The following CELF4 variants were observed in gnomAD, a reference collection of about 807,000 sequenced individuals.
The protein encoded by CELF4 is CUGBP Elav-like family member 4.
Under a neutral mutation model 59.9 loss-of-function variants are expected in CELF4, and 18 were observed. That is an observed-to-expected ratio of 0.30 (90% CI 0.21 to 0.45). The LOEUF is 0.45. CELF4 is among the 20% of genes least tolerant of loss of function. The probability of loss-of-function intolerance (pLI) is 1.00; values close to 1 mark genes in which losing one functional copy is unlikely to be tolerated. For synonymous variants in CELF4, 261 were observed against 267.1 expected, an observed-to-expected ratio of 0.98 and a Z score of 0.22; for missense variants, 456 against 689.0, an observed-to-expected ratio of 0.66 and a Z score of 3.79.
At chr18:37,295,850 G>C (rs139928085) in intron 3 of CELF4, among the ~76,000 whole-genome samples, 299 of 152,324 alleles carry the variant, frequency 2.0e-3, no homozygotes, top group African/African-American at 6.8e-3. Context: ...TGCACTGGGG[G>C]TCAGGGCCTG....
chr18:37,536,712 G>A (rs964693625), intron 1 of CELF4, among the ~76,000 whole-genome samples: 2 of 152,042 alleles, frequency 1.3e-5, no homozygotes, highest in Non-Finnish European at 2.9e-5. Flanking sequence ...GCAAGTCCCC[G>A]CACATCTTGC....
At chr18:37,322,159 C>A (rs1277488912) in intron 2 of CELF4, among the ~76,000 whole-genome samples, 4 of 152,216 alleles carry the variant, frequency 2.6e-5, no homozygotes, top group African/African-American at 4.8e-5. Flanking sequence ...CTCCTACTAG[C>A]CTTTGATATC....
In CELF4 at chr18:37,503,999, G is replaced by A. The variant is rs188221276; in HGVS notation, c.287-18392C>T. On this transcript the variant is annotated intron_variant, in intron 1 of 12. Transcript: ENST00000420428. Reference sequence around the variant, plus strand: ...TGGCTTCCAGAGAGCCCCTCCTGGGGCCAGGAGAGGATGGGAGTTCCTGGA... The same window carrying A: ...TGGCTTCCAGAGAGCCCCTCCTGGGACCAGGAGAGGATGGGAGTTCCTGGA... Among the ~76,000 whole-genome samples, 556 of 152,284 alleles carry A rather than the reference G, an allele frequency of 3.7e-3. 6 individuals are homozygous for A. The highest frequency in any genetic ancestry group is 0.012 in the African/African-American group (510 of 41,556).
chr18:37,457,656 G>A (rs1357596423), intron 2 of CELF4, among the ~76,000 whole-genome samples: 2 of 152,078 alleles, frequency 1.3e-5, no homozygotes, highest in Non-Finnish European at 2.9e-5. Context: ...CTTACATCCC[G>A]CAGCCCGAAG....
At chr18:37,312,872 G>T (rs1263412431) in intron 3 of CELF4, among the ~76,000 whole-genome samples, 1 of 152,196 alleles carries the variant, frequency 6.6e-6, no homozygotes, top group Non-Finnish European at 1.5e-5. Flanking sequence ...GGACATGGCT[G>T]TGGAAGGGCT....
chr18:37,381,245 C>A (rs2099037455), intron 2 of CELF4, among the ~76,000 whole-genome samples: 1 of 152,226 alleles, frequency 6.6e-6, no homozygotes, highest in African/African-American at 2.4e-5. Context: ...TAGTCGTAGA[C>A]TGCAGGAGGC....
intron 2 of CELF4, among the ~76,000 whole-genome samples, chr18:37,481,529 C>A (rs775787839): frequency 7.9e-5 from 12 of 152,192 alleles, no homozygotes; most frequent in Non-Finnish European, 1.6e-4. Context: ...GGAGCTGCGA[C>A]AAAGCTTCAG....
At chr18:37,486,956 C>G (rs540751488) in intron 1 of CELF4, among the ~76,000 whole-genome samples, 1 of 152,356 alleles carries the variant, frequency 6.6e-6, no homozygotes, top group East Asian at 1.9e-4. Flanking sequence ...TAGTCCATCC[C>G]CAGCCAGTCT....
chr18:37,402,831 C>A (rs1178612399), intron 2 of CELF4, among the ~76,000 whole-genome samples: 1 of 152,208 alleles, frequency 6.6e-6, no homozygotes, highest in East Asian at 1.9e-4. Flanking sequence ...CACAGCCTAA[C>A]AAGTTCAAGG....
At chr18:37,342,233 G>GCACACACACACACACACA (rs56845978) in intron 2 of CELF4, among the ~76,000 whole-genome samples, 1 of 146,048 alleles carries the variant, frequency 6.8e-6, no homozygotes, top group African/African-American at 2.5e-5. Flanking sequence ...AACAGCACAT[G>GCACACACACACACACACA]CACACACACA....
intron 1 of CELF4, among the ~76,000 whole-genome samples, chr18:37,520,957 C>T (rs2099956643): frequency 6.6e-6 from 1 of 152,112 alleles, no homozygotes; most frequent in Admixed American, 6.5e-5. Context: ...CTTCACATTG[C>T]CATGACCCTC....
At chr18:37,281,916 G>C (rs2154383688) in intron 3 of CELF4, among the ~76,000 whole-genome samples, 1 of 152,288 alleles carries the variant, frequency 6.6e-6, no homozygotes, top group African/African-American at 2.4e-5. Flanking sequence ...GTGGATCAGG[G>C]AGGACCTTCA....
chr18:37,303,601 A>G (rs1362726997), intron 3 of CELF4, among the ~76,000 whole-genome samples: 1 of 152,072 alleles, frequency 6.6e-6, no homozygotes, highest in Non-Finnish European at 1.5e-5. Context: ...GTGGGGAGAA[A>G]AAAAGGGAGG....
At chr18:37,504,123 T>C (rs2099934836) in intron 1 of CELF4, among the ~76,000 whole-genome samples, 1 of 152,176 alleles carries the variant, frequency 6.6e-6, no homozygotes. Context: ...TGTGGCCTTA[T>C]GTATAGGGAG....
At chr18:37,517,811 G>A (rs1335609483) in intron 1 of CELF4, among the ~76,000 whole-genome samples, 1 of 152,170 alleles carries the variant, frequency 6.6e-6, no homozygotes, top group Non-Finnish European at 1.5e-5. Context: ...ACCTCCGAGG[G>A]TCAAGGAAGG....
intron 1 of CELF4, among the ~76,000 whole-genome samples, chr18:37,504,944 G>C (rs1456236584): frequency 6.6e-6 from 1 of 152,240 alleles, no homozygotes; most frequent in Non-Finnish European, 1.5e-5. Flanking sequence ...AGTGAGGATG[G>C]TGACCACCAG....
chr18:37,321,722 G>A (rs1046673396), intron 3 of CELF4, 81 bp downstream of exon 3: 20 of 1,022,008 alleles, frequency 2.0e-5, no homozygotes, highest in Non-Finnish European at 2.7e-5. Flanking sequence ...GCGGGGAGTC[G>A]CTGCATCGCC....
At chr18:37,527,857 C>T (rs1569569761) in intron 1 of CELF4, among the ~76,000 whole-genome samples, 1 of 152,206 alleles carries the variant, frequency 6.6e-6, no homozygotes, top group Non-Finnish European at 1.5e-5. Context: ...GACTAAGCTG[C>T]ACTGCATTTG....
intron 2 of CELF4, among the ~76,000 whole-genome samples, chr18:37,476,166 C>T (rs528108144): frequency 6.6e-6 from 1 of 152,382 alleles, no homozygotes; most frequent in African/African-American, 2.4e-5. Flanking sequence ...ATGTGATTTT[C>T]ATGATAGAAA....
Sources: gnomAD v4.1 joint callset for allele counts (sites outside exome capture counted in the v4.1 genomes callset) on GRCh38, gnomAD v4.1.1 for gene constraint, MANE v1.5 for transcripts, NCBI Gene and HGNC (gene_info 2026-07-23, HGNC 2026-07-21) for gene names.